SLX4IP: variants seen among roughly 807,000 people sequenced by gnomAD.
SLX4IP encodes SLX4 interacting protein, also known as protein SLX4IP.
In SLX4IP, 34 loss-of-function variants were observed where a neutral mutation model predicts 32.9. That is an observed-to-expected ratio of 1.03 (90% CI 0.79 to 1.38). The LOEUF (loss-of-function observed/expected upper bound fraction) is 1.38, where lower values mean the gene tolerates loss of function less well. Among genes scored for constraint, SLX4IP ranks in the 40% most tolerant of loss-of-function variants. SLX4IP has a pLI of 0.00. For synonymous variants in SLX4IP, 172 were observed against 171.7 expected, an observed-to-expected ratio of 1.00 and a Z score of -0.01; for missense variants, 444 against 479.0, an observed-to-expected ratio of 0.93 and a Z score of 0.68.
At chr20:10,609,575 T>A (rs2066942254) in intron 6 of SLX4IP, among the ~76,000 whole-genome samples, 1 of 152,214 alleles carries the variant, frequency 6.6e-6, no homozygotes, top group African/African-American at 2.4e-5. Context: ...TGCCCAGGGC[T>A]ACTGTGGGCT....
intron 6 of SLX4IP, chr20:10,613,839 A>G (rs1205223370): frequency 1.2e-6 from 2 of 1,605,918 alleles, no homozygotes; most frequent in African/African-American, 2.7e-5. Flanking sequence ...AATATCAGCC[A>G]GCTCTTCTTC....
chr20:10,462,588 G>A (rs535509039), intron 2 of SLX4IP, among the ~76,000 whole-genome samples: 5 of 152,288 alleles, frequency 3.3e-5, no homozygotes, highest in African/African-American at 1.2e-4. Flanking sequence ...GTAGAATAGA[G>A]ACATTTATTT....
At chr20:10,534,799 A>G (rs1600973598) in intron 2 of SLX4IP, among the ~76,000 whole-genome samples, 1 of 152,226 alleles carries the variant, frequency 6.6e-6, no homozygotes, top group Non-Finnish European at 1.5e-5. Context: ...GTAGGTTATC[A>G]TGTACTTGTA....
intron 2 of SLX4IP, among the ~76,000 whole-genome samples, chr20:10,527,048 T>C (rs1228781036): frequency 6.6e-6 from 1 of 152,252 alleles, no homozygotes; most frequent in African/African-American, 2.4e-5. Flanking sequence ...ATATGTGTTG[T>C]ATGTTGATAA....
chr20:10,563,113 C>T (rs918515879), intron 4 of SLX4IP, among the ~76,000 whole-genome samples: 9 of 152,198 alleles, frequency 5.9e-5, no homozygotes, highest in African/African-American at 1.9e-4. Context: ...ATCCTAACTG[C>T]GGTGAGATAT....
At chr20:10,534,641 C>T (rs1027589196) in intron 2 of SLX4IP, among the ~76,000 whole-genome samples, 2 of 152,180 alleles carry the variant, frequency 1.3e-5, no homozygotes, top group African/African-American at 4.8e-5. Flanking sequence ...GTGTTCAGCT[C>T]CTGGCGCAGG....
intron 2 of SLX4IP, among the ~76,000 whole-genome samples, chr20:10,506,847 G>T (rs924316172): frequency 1.3e-5 from 2 of 152,174 alleles, no homozygotes; most frequent in Non-Finnish European, 2.9e-5. Flanking sequence ...GAACGGACAG[G>T]CTGCAATTTT....
intron 2 of SLX4IP, among the ~76,000 whole-genome samples, chr20:10,473,682 A>G (rs538684326): frequency 5.0e-4 from 76 of 151,828 alleles, no homozygotes; most frequent in Non-Finnish European, 9.4e-4. Flanking sequence ...GGCTCACTGC[A>G]ACCTTCACCT....
intron 1 of SLX4IP, among the ~76,000 whole-genome samples, chr20:10,449,464 A>G (rs1384376135): frequency 2.0e-5 from 3 of 152,174 alleles, no homozygotes; most frequent in African/African-American, 4.8e-5. Flanking sequence ...TGACAGCCCA[A>G]TTAGTCACTG....
intron 2 of SLX4IP, among the ~76,000 whole-genome samples, chr20:10,471,120 G>A (rs1415068357): frequency 6.6e-5 from 10 of 152,168 alleles, no homozygotes; most frequent in Admixed American, 5.9e-4. Flanking sequence ...CATGTCTTAG[G>A]CTGTCAGTAA....
intron 1 of SLX4IP, among the ~76,000 whole-genome samples, chr20:10,436,120 C>G (rs1339233682): frequency 2.0e-5 from 3 of 152,108 alleles, no homozygotes; most frequent in African/African-American, 7.2e-5. Flanking sequence ...GGATCCTAGA[C>G]ATAACGATAT....
chr20:10,527,745 A>G (rs953255000), intron 2 of SLX4IP, among the ~76,000 whole-genome samples: 3 of 152,174 alleles, frequency 2.0e-5, no homozygotes, highest in Non-Finnish European at 2.9e-5. Context: ...GTTCTAATCC[A>G]TGGTTTCTTC....
At chr20:10,617,002 G>A (rs2067042469) in intron 6 of SLX4IP, among the ~76,000 whole-genome samples, 1 of 152,206 alleles carries the variant, frequency 6.6e-6, no homozygotes, top group Non-Finnish European at 1.5e-5. Flanking sequence ...TAGGGCAGAA[G>A]TTCAATAATT....
chr20:10,598,937 C>G (rs1048066671), intron 5 of SLX4IP, among the ~76,000 whole-genome samples, 185 bp downstream of exon 5: 3 of 152,212 alleles, frequency 2.0e-5, no homozygotes, highest in African/African-American at 4.8e-5. Context: ...TCTCTAAGAA[C>G]AGTGAGCTGG....
rs57942782 is a variant in SLX4IP, at chr20:10,512,778, CTATATATATATATA to C, written c.28-43422_28-43409del. Among the ~76,000 whole-genome samples the C allele has an allele frequency of 2.5e-3, 63 of 25,648 alleles. 3 individuals carry two copies. Among genetic ancestry groups the C allele is most frequent in the African/African-American group, 5.7e-3 (36 of 6,340 alleles). 16.8% of individuals were successfully genotyped at this position (25,648 alleles called of 152,430 possible). The stretch of plus-strand genomic sequence containing the variant: ...ATGTATATATATACACACACACACT[CTATATATATATATA>C]TATATATATATATATATATATATAT... On this transcript the variant is annotated intron_variant, in intron 2 of 7. Transcript: ENST00000334534.
intron 2 of SLX4IP, 35 bp from the exon 3 acceptor site, chr20:10,556,196 G>A (rs752832893): frequency 1.4e-5 from 22 of 1,585,620 alleles, no homozygotes; most frequent in South Asian, 3.4e-5. Flanking sequence ...GGCATGAGCC[G>A]CACAGACACT....
intron 6 of SLX4IP, among the ~76,000 whole-genome samples, chr20:10,609,029 C>G (rs1421482627): frequency 1.3e-5 from 2 of 152,102 alleles, no homozygotes; most frequent in African/African-American, 2.4e-5. Context: ...ACGCTAAAGG[C>G]AAAAACTTGT....
intron 2 of SLX4IP, among the ~76,000 whole-genome samples, chr20:10,529,369 A>G (rs2065966948): frequency 6.6e-6 from 1 of 152,060 alleles, no homozygotes; most frequent in Non-Finnish European, 1.5e-5. Flanking sequence ...CGGGTGGATC[A>G]CTTGAGGTCA....
intron 2 of SLX4IP, among the ~76,000 whole-genome samples, chr20:10,554,664 G>A (rs2066249751): frequency 6.6e-6 from 1 of 151,952 alleles, no homozygotes; most frequent in Non-Finnish European, 1.5e-5. Context: ...TCTCTTGGTG[G>A]TTTTAATTTT....
Sources: gnomAD v4.1 joint callset for allele counts (sites outside exome capture counted in the v4.1 genomes callset) on GRCh38, gnomAD v4.1.1 for gene constraint, MANE v1.5 for transcripts, NCBI Gene and HGNC (gene_info 2026-07-23, HGNC 2026-07-21) for gene names.